RANBP3L: variants seen among roughly 807,000 people sequenced by gnomAD.
RANBP3L encodes the protein ran-binding protein 3-like.
In RANBP3L, 56 loss-of-function variants were observed where a neutral mutation model predicts 67.2. The ratio of observed to expected loss-of-function variants is 0.83; its 90% confidence interval spans 0.67 to 1.04. The LOEUF (loss-of-function observed/expected upper bound fraction) is 1.04, where lower values mean the gene tolerates loss of function less well. Among genes scored for constraint, RANBP3L ranks in the 50% least tolerant of loss-of-function variants. The pLI is 0.00. For synonymous variants in RANBP3L, 164 were observed against 181.4 expected (o/e 0.90, Z 0.77); for missense variants, 496 against 535.5 (o/e 0.93, Z 0.73).
chr5:36,292,664 T>C (rs1017616469), intron 1 of RANBP3L, among the ~76,000 whole-genome samples: 158 of 151,832 alleles, frequency 1.0e-3, no homozygotes, highest in African/African-American at 3.7e-3. Context: ...GGGAATCCTT[T>C]CCCCATTGCT....
intron 1 of RANBP3L, among the ~76,000 whole-genome samples, chr5:36,275,791 G>A (rs1023341938): frequency 1.3e-5 from 2 of 152,104 alleles, no homozygotes; most frequent in African/African-American, 4.8e-5. Flanking sequence ...GGAGATTAAT[G>A]CCGAAAGAAA....
rs377029015 is a variant in RANBP3L, at chr5:36,277,422, C to CTCTATATA, written c.92-6112_92-6111insTATATAGA. 1.2e-4 allele frequency among the ~76,000 whole-genome samples: 14 copies of CTCTATATA among 115,290 alleles called. 1 individual carries two copies. The highest frequency in any genetic ancestry group is 1.8e-4 in the Admixed American group (2 of 11,154). 75.6% of individuals were successfully genotyped at this position (115,290 alleles called of 152,430 possible). On this transcript the variant is annotated intron_variant, in intron 1 of 13. Transcript: ENST00000296604. ...CATCTCTCTCTCTCTCTCTCTCTCTCTATATATATATATATATATGTGTGT... is the reference window on the plus strand; with the variant it reads ...CATCTCTCTCTCTCTCTCTCTCTCTCTCTATATATATATATATATATATATATGTGTGT...
At chr5:36,253,542 TG>T in intron 12 of RANBP3L, 104 bp downstream of exon 12, 1 of 870,286 alleles carries the variant, frequency 1.1e-6, no homozygotes. Context: ...GCTGAGTTTT[TG>T]CCAATGGTAC....
rs866001338 is a variant in RANBP3L, at chr5:36,261,809, A to G, written c.584+130T>C. The stretch of plus-strand genomic sequence containing the variant: ...CATTTTAAACTTGTGTTTCCTATAA[A>G]ATCTCCTTTCAAATGGGAATCTTGG... On this transcript the variant is annotated intron_variant, in intron 7 of 13. Coordinates refer to ENST00000296604, the MANE Select transcript of RANBP3L (RefSeq NM_145000.5). The G allele has an allele frequency of 5.0e-5, 25 of 502,706 alleles. No homozygotes were observed. In the Middle Eastern group the frequency reaches 1.1e-3, roughly 21 times the overall value. 31.1% of individuals were successfully genotyped at this position (502,706 alleles called of 1,614,324 possible). A position where few individuals can be genotyped will look rare whatever the true frequency, so the allele number is the denominator to read the frequency against.
intron 1 of RANBP3L, among the ~76,000 whole-genome samples, chr5:36,287,990 A>C (rs1444120387): frequency 6.6e-6 from 1 of 152,236 alleles, no homozygotes; most frequent in Non-Finnish European, 1.5e-5. Flanking sequence ...CTAGAGGAAA[A>C]TTTGGAGTCT....
At chr5:36,288,574 TTTTTAC>T (rs1751487410) in intron 1 of RANBP3L, among the ~76,000 whole-genome samples, 1 of 152,138 alleles carries the variant, frequency 6.6e-6, no homozygotes. Context: ...TCCAGAGTGG[TTTTTAC>T]CACTTTCCAG....
chr5:36,281,735 A>T (rs1314318933), intron 1 of RANBP3L, among the ~76,000 whole-genome samples: 1 of 152,184 alleles, frequency 6.6e-6, no homozygotes, highest in Non-Finnish European at 1.5e-5. Flanking sequence ...AAGAGATTTG[A>T]TCAAGAATGT....
At chr5:36,263,581 T>G (rs1184707113) in intron 6 of RANBP3L, among the ~76,000 whole-genome samples, 1 of 152,226 alleles carries the variant, frequency 6.6e-6, no homozygotes, top group African/African-American at 2.4e-5. Flanking sequence ...TTCTCTTTTC[T>G]TTTTTGAGAC....
chr5:36,265,353 C>T, intron 5 of RANBP3L, 96 bp downstream of exon 5: 10 of 808,062 alleles, frequency 1.2e-5, no homozygotes. Context: ...CTCTGACCTA[C>T]CTCCATGCCC....
chr5:36,280,278 G>A (rs1750881400), intron 1 of RANBP3L, among the ~76,000 whole-genome samples: 1 of 152,146 alleles, frequency 6.6e-6, no homozygotes, highest in Admixed American at 6.6e-5. Context: ...CTGAAAGCAG[G>A]ACCAAACCCT....
chr5:36,298,959 TG>T (rs1381063847), intron 1 of RANBP3L, among the ~76,000 whole-genome samples: 1 of 152,160 alleles, frequency 6.6e-6, no homozygotes, highest in Non-Finnish European at 1.5e-5. Context: ...GTATTGATCC[TG>T]GGTGTGTCTG....
chr5:36,276,132 G>A (rs1035752761), intron 1 of RANBP3L, among the ~76,000 whole-genome samples: 2 of 152,066 alleles, frequency 1.3e-5, no homozygotes, highest in African/African-American at 4.8e-5. Context: ...GGAAATAAAG[G>A]TATAAGTAAG....
chr5:36,252,950 C>G (rs1293784215), intron 12 of RANBP3L, among the ~76,000 whole-genome samples: 1 of 152,064 alleles, frequency 6.6e-6, no homozygotes, highest in Non-Finnish European at 1.5e-5. Context: ...CACCTTCTGC[C>G]TGAACTTGGG....
chr5:36,261,920 T>C lies in RANBP3L; in HGVS notation c.584+19A>G. 2.6e-6 allele frequency: 3 copies of C among 1,152,882 alleles called. No individual in the cohort carries two copies. Among genetic ancestry groups the C allele is most frequent in the Non-Finnish European group, 1.3e-6 (1 of 785,808 alleles). 71.4% of individuals were successfully genotyped at this position (1,152,882 alleles called of 1,614,324 possible). On this transcript the variant is annotated intron_variant, in intron 7 of 13. Transcript: ENST00000296604. ...TGCAAGAATGAAAGGACAACGCTTC[T>C]ATTTTCTCATTAACTTACCCTACTG...
At chr5:36,294,068 AC>A (rs1752010217) in intron 1 of RANBP3L, among the ~76,000 whole-genome samples, 1 of 152,118 alleles carries the variant, frequency 6.6e-6, no homozygotes, top group Admixed American at 6.5e-5. Flanking sequence ...GATTATTGCC[AC>A]AATTTCAGAT....
chr5:36,297,447 G>GCA (rs61083691), intron 1 of RANBP3L, among the ~76,000 whole-genome samples: 19 of 143,674 alleles, frequency 1.3e-4, no homozygotes, highest in African/African-American at 5.2e-4. Context: ...ACACACACAC[G>GCA]CACACACACA....
chr5:36,285,544 CT>C (rs888756700), intron 1 of RANBP3L, among the ~76,000 whole-genome samples: 5 of 152,148 alleles, frequency 3.3e-5, no homozygotes, highest in African/African-American at 1.2e-4. Flanking sequence ...TAACATATGC[CT>C]TATTGTTAAA....
In RANBP3L at chr5:36,261,606, A is replaced by G. The variant is rs74365802; in HGVS notation, c.584+333T>C. 4.8e-3 allele frequency among the ~76,000 whole-genome samples: 729 copies of G among 152,304 alleles called. 3 individuals are homozygous for G. Among genetic ancestry groups the G allele is most frequent in the Non-Finnish European group, 7.5e-3 (510 of 68,032 alleles). On this transcript the variant is annotated intron_variant, in intron 7 of 13. Transcript: ENST00000296604. ...TAAATAATGTATAATGCCAAAATAA[A>G]AGAAAAAAATGCTAGAGAGAGAGGA...
At chr5:36,260,326 A>T (rs1384833041) in intron 8 of RANBP3L, among the ~76,000 whole-genome samples, 3 of 140,844 alleles carry the variant, frequency 2.1e-5, no homozygotes, top group Non-Finnish European at 4.5e-5. Context: ...GGACCACTGC[A>T]CTCCAGCCTG....
Sources: allele counts gnomAD v4.1 joint callset (sites outside exome capture counted in the v4.1 genomes callset), GRCh38; gene constraint gnomAD v4.1.1; transcripts MANE v1.5; gene names NCBI Gene and HGNC (gene_info 2026-07-23, HGNC 2026-07-21).